SOX5: variants seen among roughly 807,000 people sequenced by gnomAD.
SOX5 encodes SRY-box transcription factor 5.
Under a neutral mutation model 92.0 loss-of-function variants are expected in SOX5, and 9 were observed. The ratio of observed to expected loss-of-function variants is 0.10; its 90% CI spans 0.06 to 0.17. The LOEUF (loss-of-function observed/expected upper bound fraction) is 0.17, where lower values mean the gene tolerates loss of function less well. Ranked by LOEUF, SOX5 falls within the 10% of genes least tolerant of loss-of-function variation. The pLI, the probability that SOX5 is intolerant of heterozygous loss-of-function variation, is 1.00. For missense variants in SOX5, 642 were observed against 944.5 expected, an observed-to-expected ratio of 0.68 and a Z score of 4.20; for synonymous variants, 344 against 336.3, an observed-to-expected ratio of 1.02 and a Z score of -0.25.
intron 4 of SOX5, among the ~76,000 whole-genome samples, chr12:24,130,898 A>C (rs1949583609): frequency 6.6e-6 from 1 of 152,150 alleles, no homozygotes; most frequent in African/African-American, 2.4e-5. Flanking sequence ...TACCAGCTCC[A>C]TATTCCTACC....
At chr12:23,660,943 C>T (rs773362726) in intron 7 of SOX5, among the ~76,000 whole-genome samples, 1 of 152,110 alleles carries the variant, frequency 6.6e-6, no homozygotes, top group Non-Finnish European at 1.5e-5. Context: ...TCCTGTGCCC[C>T]TATGAATTAG....
chr12:24,249,516 A>G (rs1742934005), intron 3 of SOX5, among the ~76,000 whole-genome samples: 1 of 152,252 alleles, frequency 6.6e-6, no homozygotes, highest in African/African-American at 2.4e-5. Context: ...ATCAGACAGC[A>G]GCCTGTAATT....
chr12:24,452,481 G>A (rs1942452145), intron 1 of SOX5, among the ~76,000 whole-genome samples: 1 of 152,106 alleles, frequency 6.6e-6, no homozygotes, highest in Non-Finnish European at 1.5e-5. Flanking sequence ...ATTCTTACCT[G>A]GAGAGGCTAG....
Position 23,536,483 on chromosome 12 carries a change from C to T in SOX5, c.1958G>A (p.Arg653Gln). The change falls in exon 14 of 15, where the codon CGG becomes CAG. Residue 653 changes from arginine (R) to glutamine (Q), a missense_variant. By Grantham distance (43) the Arg-to-Gln change is conservative. Transcript: ENST00000451604. ...GEYKAIMRNRRQEMRQYFNVG... is the reference protein window; with the variant it reads ...GEYKAIMRNRQQEMRQYFNVG... ...ATTGAAGTACTGCCGCATTTCCTGCCGCCTGTTGCGCATGATTGCCTTGTA... is the reference window on the plus strand; with the variant it reads ...ATTGAAGTACTGCCGCATTTCCTGCTGCCTGTTGCGCATGATTGCCTTGTA... 1.2e-6 allele frequency: 2 copies of T among 1,614,068 alleles called. No homozygotes were observed. The highest frequency in any genetic ancestry group is 1.7e-6 in the Non-Finnish European group (2 of 1,180,002).
chr12:23,695,603 A>G (rs998106135), intron 6 of SOX5, among the ~76,000 whole-genome samples: 1 of 152,162 alleles, frequency 6.6e-6, no homozygotes, highest in Admixed American at 6.5e-5. Context: ...AATCTAGTCA[A>G]TTAGCTATAC....
chr12:24,279,591 C>T (rs115929885), intron 2 of SOX5, among the ~76,000 whole-genome samples: 1,888 of 151,998 alleles, frequency 0.012, 37 homozygotes, highest in African/African-American at 0.044. Context: ...CTTTCCTTTC[C>T]TAGAGTTGAG....
At chr12:24,122,974 T>C (rs189374505) in intron 4 of SOX5, among the ~76,000 whole-genome samples, 4 of 152,304 alleles carry the variant, frequency 2.6e-5, no homozygotes, top group Non-Finnish European at 5.9e-5. Context: ...AAGGTCGAGG[T>C]TAAACATAAA....
At chr12:24,498,214 TA>T (rs545118262) in intron 1 of SOX5, among the ~76,000 whole-genome samples, 1,510 of 142,068 alleles carry the variant, frequency 0.011, 10 homozygotes, top group African/African-American at 0.023. Flanking sequence ...ACTTAAAATG[TA>T]AAAAAAAAAA....
At chr12:24,345,845 T>C (rs144324941) in intron 2 of SOX5, among the ~76,000 whole-genome samples, 1 of 152,314 alleles carries the variant, frequency 6.6e-6, no homozygotes, top group Non-Finnish European at 1.5e-5. Context: ...GGAGAATGAA[T>C]GGCATTCAGC....
chr12:24,356,304 C>A (rs373403790), intron 2 of SOX5, among the ~76,000 whole-genome samples: 3 of 152,200 alleles, frequency 2.0e-5, no homozygotes, highest in African/African-American at 7.2e-5. Flanking sequence ...ACCAGCACAT[C>A]TGGCTTTAGT....
intron 2 of SOX5, among the ~76,000 whole-genome samples, chr12:24,320,934 G>A (rs372986367): frequency 1.2e-4 from 18 of 151,968 alleles, no homozygotes; most frequent in East Asian, 3.9e-4. Context: ...TTAAGAAGTC[G>A]TGAAACTGTC....
intron 2 of SOX5, among the ~76,000 whole-genome samples, chr12:23,846,946 G>T (rs1391155784): frequency 6.6e-6 from 1 of 152,022 alleles, no homozygotes; most frequent in Admixed American, 6.6e-5. Flanking sequence ...AGTCATGTGG[G>T]TATGTGAATA....
chr12:24,345,868 T>C (rs1269714483), intron 2 of SOX5, among the ~76,000 whole-genome samples: 3 of 152,190 alleles, frequency 2.0e-5, no homozygotes, highest in Non-Finnish European at 2.9e-5. Context: ...CTGTTGGCTT[T>C]GTTTGGGGCT....
intron 3 of SOX5, among the ~76,000 whole-genome samples, chr12:24,252,925 C>T (rs1565757256): frequency 6.6e-6 from 1 of 152,160 alleles, no homozygotes; most frequent in Non-Finnish European, 1.5e-5. Flanking sequence ...TAATTTCCCT[C>T]TGCTGATAAA....
At chr12:24,325,371 AT>A (rs1450099379) in intron 2 of SOX5, among the ~76,000 whole-genome samples, 1 of 152,184 alleles carries the variant, frequency 6.6e-6, no homozygotes, top group Non-Finnish European at 1.5e-5. Flanking sequence ...TTTTAAACAA[AT>A]CAATGTTTAT....
intron 1 of SOX5, among the ~76,000 whole-genome samples, chr12:24,533,346 T>A (rs747972096): frequency 6.6e-6 from 1 of 152,202 alleles, no homozygotes; most frequent in Non-Finnish European, 1.5e-5. Context: ...AGTTCTCACA[T>A]ACACAACGTA....
intron 4 of SOX5, among the ~76,000 whole-genome samples, chr12:24,116,771 G>C (rs550227513): frequency 6.6e-6 from 1 of 152,064 alleles, no homozygotes; most frequent in Non-Finnish European, 1.5e-5. Context: ...ATGTAGTAAG[G>C]TACTGCTGCT....
At chr12:23,973,167 T>C (rs1466460532) in intron 4 of SOX5, among the ~76,000 whole-genome samples, 2 of 148,984 alleles carry the variant, frequency 1.3e-5, no homozygotes, top group East Asian at 3.9e-4. Context: ...TTTCTTTTTT[T>C]TTTTTTTTTT....
At chr12:24,084,952 C>T (rs12313434) in intron 4 of SOX5, among the ~76,000 whole-genome samples, 2,128 of 152,164 alleles carry the variant, frequency 0.014, 42 homozygotes, top group African/African-American at 0.048. Context: ...AATCACTTGG[C>T]TATCTGCCTT....
Sources: gnomAD v4.1 joint callset for allele counts (sites outside exome capture counted in the v4.1 genomes callset) on GRCh38, gnomAD v4.1.1 for gene constraint, MANE v1.5 for transcripts, NCBI Gene and HGNC (gene_info 2026-07-23, HGNC 2026-07-21) for gene names.